Variants in ADAP2 observed in about 807,000 individuals in gnomAD.
ADAP2 encodes the protein arf-GAP with dual PH domain-containing protein 2.
ADAP2 carries 42 observed loss-of-function variants against 54.9 expected under a neutral mutation model. That is an observed-to-expected ratio of 0.77 (90% CI 0.60 to 0.99). The LOEUF (loss-of-function observed/expected upper bound fraction) is 0.99, where lower values mean the gene tolerates loss of function less well. ADAP2 is among the 50% of genes least tolerant of loss of function. ADAP2 has a pLI of 0.00. For missense variants in ADAP2, 429 were observed against 480.4 expected (o/e 0.89, Z 1.00); for synonymous variants, 177 against 180.1 (o/e 0.98, Z 0.14).
rs1034369255 is a variant in ADAP2 at position 30,941,904 on chromosome 17, T to C, written c.511-3003T>C. ...CATGGGTATATACATTTGTCAAAAA[T>C]CAAACTATTTTTTTTTTTTCGAGAT... On this transcript the variant is annotated intron_variant, in intron 5 of 10. Coordinates refer to ENST00000330889, the MANE Select transcript of ADAP2 (RefSeq NM_018404.3). Among the ~76,000 whole-genome samples, 7 of 152,044 alleles carry C rather than the reference T, an allele frequency of 4.6e-5. 1 individual carries two copies. The highest frequency in any genetic ancestry group is 1.7e-4 in the African/African-American group (7 of 41,406).
Position 30,954,463 on chromosome 17 carries a change from T to C in ADAP2, c.805-15T>C. 6.2e-7 allele frequency: 1 copy of C among 1,612,998 alleles called. No individual in the cohort carries two copies. The highest frequency in any genetic ancestry group is 8.5e-7 in the Non-Finnish European group (1 of 1,179,010). On this transcript the variant is annotated splice_polypyrimidine_tract_variant and intron_variant, in intron 8 of 10. Transcript: ENST00000330889. ...TGACCTGGTCATCTGTGGTAAGAAG[T>C]TCCCTCTTTTGCAGCAGAAAGAACC...
intron 9 of ADAP2, among the ~76,000 whole-genome samples, chr17:30,954,836 T>G (rs528575387): frequency 2.6e-4 from 39 of 152,304 alleles, no homozygotes; most frequent in African/African-American, 9.1e-4. Flanking sequence ...CAGGGCTCAC[T>G]TCTAACCAAG....
intron 3 of ADAP2, among the ~76,000 whole-genome samples, chr17:30,930,236 TAATTTTTG>T (rs1331436618): frequency 3.3e-5 from 5 of 151,946 alleles, no homozygotes; most frequent in African/African-American, 1.2e-4. Context: ...CATGCCCAGC[TAATTTTTG>T]TATTTTTGGT....
At chr17:30,955,671 C>T (rs895775542) in intron 9 of ADAP2, among the ~76,000 whole-genome samples, 6 of 148,364 alleles carry the variant, frequency 4.0e-5, no homozygotes, top group African/African-American at 1.5e-4. Context: ...CATTGCACTC[C>T]AGCCTGGGTG....
chr17:30,937,434 C>A (rs914083257), intron 5 of ADAP2, among the ~76,000 whole-genome samples: 1 of 152,024 alleles, frequency 6.6e-6, no homozygotes, highest in East Asian at 1.9e-4. Flanking sequence ...GTTGACCAGG[C>A]TGATTTAGAA....
chr17:30,953,370 G>A lies in ADAP2; in HGVS notation c.804+20G>A. 6.2e-7 allele frequency: 1 copy of A among 1,610,446 alleles called. No homozygotes were observed. Among genetic ancestry groups the A allele is most frequent in the Non-Finnish European group, 8.5e-7 (1 of 1,177,220 alleles). ...CCAAAGGTACCTTCTATCACTCCCT[G>A]GGGAACTTAATATGGTTTAATGTAT... On this transcript the variant is annotated intron_variant, in intron 8 of 10. Coordinates refer to ENST00000330889, the MANE Select transcript of ADAP2 (RefSeq NM_018404.3).
intron 6 of ADAP2, among the ~76,000 whole-genome samples, chr17:30,946,619 C>T (rs930160474): frequency 9.2e-5 from 14 of 152,248 alleles, no homozygotes; most frequent in African/African-American, 3.4e-4. Context: ...GGTCACATAA[C>T]TAGGCAGGGG....
At chr17:30,953,544 T>C (rs1043488835) in intron 8 of ADAP2, among the ~76,000 whole-genome samples, 194 bp downstream of exon 8, 1 of 152,136 alleles carries the variant, frequency 6.6e-6, no homozygotes. Flanking sequence ...CTTTCTTTTT[T>C]AAATTTTTTT....
At chr17:30,932,319 A>C (rs1187283324) in intron 4 of ADAP2, among the ~76,000 whole-genome samples, 2 of 150,774 alleles carry the variant, frequency 1.3e-5, no homozygotes, top group Non-Finnish European at 2.9e-5. Context: ...TGCAGCTTCA[A>C]TCTCCCGGGC....
Position 30,934,311 on chromosome 17 carries a change from C to A in ADAP2, c.510+14C>A, listed in dbSNP as rs1278678506. 1.3e-6 allele frequency: 2 copies of A among 1,573,486 alleles called. No homozygotes were observed. The highest frequency in any genetic ancestry group is 2.2e-5 in the South Asian group (2 of 89,874). On this transcript the variant is annotated intron_variant, in intron 5 of 10. Coordinates refer to ENST00000330889, the MANE Select transcript of ADAP2 (RefSeq NM_018404.3). ...ACAAAGGAACAGGTAAGATGCCAGA[C>A]CAATGAGAGCAGGTCCCTTCCTGAG...
At position 30,946,236 on chromosome 17, in the gene ADAP2, A is replaced by AT. The variant is rs373046436; in HGVS notation, c.657+1191dup. ...TGCACATTAAAGTTTGAGAAGCACT[A>AT]TTTTTTTTCCTTTGGAGATGGAATC... is the stretch of plus-strand genomic sequence containing the variant. On this transcript the variant is annotated intron_variant, in intron 6 of 10. Coordinates refer to ENST00000330889, the MANE Select transcript of ADAP2 (RefSeq NM_018404.3). Among the ~76,000 whole-genome samples, 184 of 151,044 alleles carry AT rather than the reference A, an allele frequency of 1.2e-3. 1 individual carries two copies. The highest frequency in any genetic ancestry group is 4.0e-3 in the African/African-American group (166 of 41,208).
chr17:30,954,970 C>T (rs1022722458), intron 9 of ADAP2, among the ~76,000 whole-genome samples: 13 of 152,102 alleles, frequency 8.5e-5, no homozygotes, highest in Admixed American at 7.9e-4. Flanking sequence ...CTCTGTGCCT[C>T]GGTTTCCTCC....
intron 7 of ADAP2, among the ~76,000 whole-genome samples, chr17:30,950,619 AG>A (rs1255200110): frequency 6.6e-6 from 1 of 152,222 alleles, no homozygotes; most frequent in Non-Finnish European, 1.5e-5. Context: ...CTCAACCATT[AG>A]AGTTTCCTTG....
rs540572402 is a variant in ADAP2 at position 30,944,933 on chromosome 17, C to A, written c.537C>A (p.Ser179Arg). The A allele has an allele frequency of 4.4e-5, 71 of 1,614,008 alleles. No individual in the cohort carries two copies. The highest frequency in any genetic ancestry group is 5.7e-5 in the Non-Finnish European group (67 of 1,180,024). The stretch of plus-strand genomic sequence containing the variant: ...GTAAAAGCCCCAAAGCTGTCATCAG[C>A]ATTAAGGACTTGAATGCCACCTTCC... ...EQGKSPKAVISIKDLNATFQT... is the reference protein window; with the variant it reads ...EQGKSPKAVIRIKDLNATFQT... The change falls in exon 6 of 11, where the codon AGC becomes AGA. Residue 179 changes from serine (S) to arginine (R), a missense_variant. Physicochemically the swap from Ser to Arg is moderately radical, Grantham distance 110. Transcript: ENST00000330889.
chr17:30,953,198 C>G, intron 7 of ADAP2, 90 bp from the exon 8 acceptor site: 1 of 1,213,044 alleles, frequency 8.2e-7, no homozygotes, highest in South Asian at 1.2e-5. Flanking sequence ...TTCCCCATTT[C>G]AAACTTCCCC....
intron 6 of ADAP2, among the ~76,000 whole-genome samples, chr17:30,948,688 G>A (rs1904355398): frequency 6.6e-6 from 1 of 152,214 alleles, no homozygotes. Flanking sequence ...GGTGGCCCAG[G>A]CTGCTGAGGG....
At chr17:30,926,287 C>T (rs1406550084) in intron 2 of ADAP2, among the ~76,000 whole-genome samples, 2 of 152,188 alleles carry the variant, frequency 1.3e-5, no homozygotes, top group Non-Finnish European at 2.9e-5. Flanking sequence ...GGTGCATCAG[C>T]CTCTGGGTCT....
chr17:30,922,346 G>A (rs1023559832), intron 1 of ADAP2, among the ~76,000 whole-genome samples: 2 of 151,428 alleles, frequency 1.3e-5, no homozygotes, highest in African/African-American at 4.8e-5. Flanking sequence ...CGCGGGACCA[G>A]ATGCGCATCT....
intron 5 of ADAP2, among the ~76,000 whole-genome samples, chr17:30,938,725 C>G (rs1912058446): frequency 6.6e-6 from 1 of 152,108 alleles, no homozygotes. Flanking sequence ...CCCCCTGTTG[C>G]TTTTCTAGGC....
Sources: allele counts gnomAD v4.1 joint callset (sites outside exome capture counted in the v4.1 genomes callset), GRCh38; gene constraint gnomAD v4.1.1; transcripts MANE v1.5; gene names NCBI Gene and HGNC (gene_info 2026-07-23, HGNC 2026-07-21).